Variants in XPNPEP3 observed in about 807,000 individuals in gnomAD.
The protein encoded by XPNPEP3 is xaa-Pro aminopeptidase 3.
XPNPEP3 carries 41 observed loss-of-function variants against 60.0 expected under a neutral mutation model. The observed-to-expected ratio is 0.68, with a 90% CI of 0.53 to 0.89. The LOEUF is 0.89. Among genes scored for constraint, XPNPEP3 ranks in the 40% least tolerant of loss-of-function variants. XPNPEP3 has a pLI of 0.00. For missense variants in XPNPEP3, 598 were observed against 638.9 expected, an observed-to-expected ratio of 0.94 and a Z score of 0.69; for synonymous variants, 212 against 223.2, an observed-to-expected ratio of 0.95 and a Z score of 0.45.
chr22:40,866,345 A>C (rs1407066367), intron 1 of XPNPEP3, among the ~76,000 whole-genome samples: 1 of 151,868 alleles, frequency 6.6e-6, no homozygotes, highest in Non-Finnish European at 1.5e-5. Flanking sequence ...AAATCATAGG[A>C]GCGTTGGGGA....
rs1282104111 is a variant in XPNPEP3, at chr22:40,927,603, G to A, written c.*1168G>A. ...AAAAAAATGATTTCTGGCCGGGCGT[G>A]GTGGCTCAAGCCTGTAATCCCAGCA... On this transcript the variant is annotated 3_prime_UTR_variant, in exon 10 of 10. Coordinates refer to ENST00000357137, the MANE Select transcript of XPNPEP3 (RefSeq NM_022098.4). The A allele has an allele frequency of 6.6e-6, 1 of 151,938 alleles. No individual in the cohort carries two copies. Among genetic ancestry groups the A allele is most frequent in the East Asian group, 1.9e-4 (1 of 5,172 alleles). The allele number at this position is 151,938 out of a possible 1,614,324, so 9.4% of individuals were successfully genotyped here.
chr22:40,916,024 G>A (rs1483686179), intron 7 of XPNPEP3, among the ~76,000 whole-genome samples: 1 of 152,148 alleles, frequency 6.6e-6, no homozygotes, highest in Admixed American at 6.6e-5. Context: ...CAGGTGCAGT[G>A]GCTCATGCCT....
intron 7 of XPNPEP3, among the ~76,000 whole-genome samples, chr22:40,915,618 T>C (rs962919242): frequency 2.0e-5 from 3 of 152,004 alleles, no homozygotes; most frequent in Admixed American, 1.3e-4. Context: ...CTGAGGACAT[T>C]GCCCAATGCA....
intron 4 of XPNPEP3, among the ~76,000 whole-genome samples, chr22:40,902,097 G>A (rs915918990): frequency 7.2e-6 from 1 of 138,580 alleles, no homozygotes; most frequent in Admixed American, 7.1e-5. Context: ...TTTTGAGATG[G>A]AGTCTCGCTC....
At chr22:40,896,276 A>C (rs970505326) in intron 4 of XPNPEP3, among the ~76,000 whole-genome samples, 7 of 152,068 alleles carry the variant, frequency 4.6e-5, no homozygotes, top group Non-Finnish European at 7.4e-5. Context: ...CACTCTGCCC[A>C]CCTCGGCCTC....
chr22:40,897,881 CTTA>C (rs1216485307), intron 4 of XPNPEP3, among the ~76,000 whole-genome samples: 2 of 152,018 alleles, frequency 1.3e-5, no homozygotes. Flanking sequence ...ATTTGTATAT[CTTA>C]TTTGGAGAAA....
intron 4 of XPNPEP3, among the ~76,000 whole-genome samples, chr22:40,903,739 C>T (rs886559206): frequency 5.9e-5 from 9 of 152,092 alleles, no homozygotes; most frequent in Non-Finnish European, 1.3e-4. Flanking sequence ...CTACCTGCCT[C>T]AGCTTCCCAA....
At chr22:40,916,510 A>G (rs960992045) in intron 7 of XPNPEP3, among the ~76,000 whole-genome samples, 1 of 152,196 alleles carries the variant, frequency 6.6e-6, no homozygotes, top group Non-Finnish European at 1.5e-5. Flanking sequence ...TCAAATAAAC[A>G]TAGAGCAACT....
chr22:40,865,195 A>G (rs1055546253), intron 1 of XPNPEP3, among the ~76,000 whole-genome samples: 4 of 152,040 alleles, frequency 2.6e-5, no homozygotes, highest in Admixed American at 6.6e-5. Context: ...GCATACTCCA[A>G]TCTGTCTTCT....
At chr22:40,873,516 A>T (rs1051396795) in intron 2 of XPNPEP3, among the ~76,000 whole-genome samples, 1 of 152,096 alleles carries the variant, frequency 6.6e-6, no homozygotes, top group Non-Finnish European at 1.5e-5. Context: ...TTTCATCTCT[A>T]TCGTCAACTA....
At chr22:40,896,228 G>T (rs1468963105) in intron 4 of XPNPEP3, among the ~76,000 whole-genome samples, 1 of 151,972 alleles carries the variant, frequency 6.6e-6, no homozygotes, top group Non-Finnish European at 1.5e-5. Context: ...GAGAAACAGG[G>T]TTTCACCATG....
intron 4 of XPNPEP3, among the ~76,000 whole-genome samples, chr22:40,900,580 T>G (rs897325385): frequency 1.3e-5 from 2 of 152,106 alleles, no homozygotes; most frequent in Non-Finnish European, 2.9e-5. Flanking sequence ...CATTCCAGCC[T>G]GGGCAACAGA....
intron 4 of XPNPEP3, among the ~76,000 whole-genome samples, chr22:40,896,039 T>C (rs2058106375): frequency 6.6e-6 from 1 of 152,204 alleles, no homozygotes; most frequent in Non-Finnish European, 1.5e-5. Context: ...ACATCTAATG[T>C]TAGAGACTCA....
In XPNPEP3 at chr22:40,926,435, A is replaced by C; in HGVS notation, c.1524A>C (p.Ter508CysextTer44). 2.5e-6 allele frequency: 4 copies of C among 1,614,026 alleles called. No individual in the cohort carries two copies. The highest frequency in any genetic ancestry group is 3.4e-6 in the Non-Finnish European group (4 of 1,180,014). The change falls in exon 10 of 10, where the codon TGA (stop) becomes TGC (cysteine). Residue 508 changes from the stop codon to cysteine, a stop_lost. Transcript: ENST00000357137. ...DIEQICSQAS[*>C] ...AACAGATATGCAGCCAGGCTTCTTG[A>C]CCTTCACTGCGGCCCACATGCACCT...
At chr22:40,898,699 G>T (rs1165682062) in intron 4 of XPNPEP3, among the ~76,000 whole-genome samples, 4 of 152,104 alleles carry the variant, frequency 2.6e-5, no homozygotes, top group Non-Finnish European at 5.9e-5. Flanking sequence ...TGGGATAAAA[G>T]ATCTTAAACT....
intron 2 of XPNPEP3, 120 bp from the exon 3 acceptor site, chr22:40,881,650 G>A (rs1469036155): frequency 4.3e-6 from 5 of 1,167,492 alleles, no homozygotes; most frequent in Non-Finnish European, 6.3e-6. Context: ...TCCATGTGCT[G>A]TGAGGAGATT....
chr22:40,909,767 T>C (rs1400112106), intron 6 of XPNPEP3, among the ~76,000 whole-genome samples: 1 of 151,822 alleles, frequency 6.6e-6, no homozygotes, highest in Non-Finnish European at 1.5e-5. Flanking sequence ...AGCAAGACTC[T>C]GTCTCTAAAT....
intron 2 of XPNPEP3, 135 bp from the exon 3 acceptor site, chr22:40,881,635 A>T: frequency 9.4e-7 from 1 of 1,068,990 alleles, no homozygotes; most frequent in Non-Finnish European, 1.4e-6. Context: ...TTATCTCCTT[A>T]ATTCTCCATG....
chr22:40,908,339 C>T (rs2058164276), intron 5 of XPNPEP3, among the ~76,000 whole-genome samples: 1 of 151,932 alleles, frequency 6.6e-6, no homozygotes, highest in African/African-American at 2.4e-5. Context: ...GGGCAACATA[C>T]TGAGACCTCA....
Sources: gnomAD v4.1 joint callset for allele counts (sites outside exome capture counted in the v4.1 genomes callset) on GRCh38, gnomAD v4.1.1 for gene constraint, MANE v1.5 for transcripts, NCBI Gene and HGNC (gene_info 2026-07-23, HGNC 2026-07-21) for gene names.